Variants in MAP4K4 observed in about 807,000 individuals in gnomAD.
MAP4K4 encodes the protein mitogen-activated protein kinase kinase kinase kinase 4, also known as HPK/GCK-like kinase HGK.
Under a neutral mutation model 189.6 loss-of-function variants are expected in MAP4K4, and 38 were observed. The observed-to-expected ratio is 0.20, with a 90% confidence interval of 0.15 to 0.26. The LOEUF is 0.26. Among genes scored for constraint, MAP4K4 ranks in the 10% least tolerant of loss-of-function variants. The probability of loss-of-function intolerance (pLI) is 1.00; values close to 1 mark genes in which losing one functional copy is unlikely to be tolerated. For synonymous variants in MAP4K4, 610 were observed against 624.3 expected (o/e 0.98, Z 0.34); for missense variants, 1,054 against 1,726.9 (o/e 0.61, Z 6.91).
At chr2:101,814,362 A>G (rs2095600364) in intron 3 of MAP4K4, among the ~76,000 whole-genome samples, 1 of 152,202 alleles carries the variant, frequency 6.6e-6, no homozygotes, top group African/African-American at 2.4e-5. Flanking sequence ...TGTGGAAAGC[A>G]TCTTTGAATT....
chr2:101,812,647 T>A (rs1360424816), intron 3 of MAP4K4, among the ~76,000 whole-genome samples: 3 of 152,070 alleles, frequency 2.0e-5, no homozygotes, highest in African/African-American at 7.3e-5. Flanking sequence ...ACTTAGAGTA[T>A]CTTTCTGGTG....
chr2:101,756,812 C>T (rs2073112326), intron 2 of MAP4K4, among the ~76,000 whole-genome samples: 1 of 151,464 alleles, frequency 6.6e-6, no homozygotes, highest in Non-Finnish European at 1.5e-5. Context: ...AGTGATCTGC[C>T]TGGCTCAGCC....
chr2:101,782,363 A>C (rs529352914), intron 2 of MAP4K4, among the ~76,000 whole-genome samples: 1 of 152,316 alleles, frequency 6.6e-6, no homozygotes, highest in East Asian at 1.9e-4. Context: ...GTGTTGTTTC[A>C]GATAAGGTAG....
intron 12 of MAP4K4, among the ~76,000 whole-genome samples, chr2:101,847,005 CT>C (rs944522864): frequency 5.3e-5 from 8 of 152,214 alleles, no homozygotes; most frequent in Non-Finnish European, 7.3e-5. Flanking sequence ...TGCATATAAC[CT>C]GTGCACTCCC....
chr2:101,772,736 C>A (rs1465342467), intron 2 of MAP4K4, among the ~76,000 whole-genome samples: 1 of 152,146 alleles, frequency 6.6e-6, no homozygotes, highest in East Asian at 1.9e-4. Flanking sequence ...TAAAGAATTG[C>A]TTAGGTGTTA....
At chr2:101,757,433 A>C (rs951279408) in intron 2 of MAP4K4, among the ~76,000 whole-genome samples, 5 of 152,252 alleles carry the variant, frequency 3.3e-5, no homozygotes, top group Non-Finnish European at 7.3e-5. Context: ...AAACCAGTCA[A>C]ATCTGTAGCT....
chr2:101,785,716 CT>C, intron 2 of MAP4K4, among the ~76,000 whole-genome samples: 3 of 6,640 alleles, frequency 4.5e-4, no homozygotes, highest in Admixed American at 1.3e-3. Flanking sequence ...CTCTCTCTCT[CT>C]CTCTCTCTCT....
intron 2 of MAP4K4, among the ~76,000 whole-genome samples, chr2:101,724,208 TC>T (rs2053931201): frequency 1.3e-5 from 2 of 152,338 alleles, no homozygotes; most frequent in East Asian, 3.9e-4. Context: ...GTGTGCAATG[TC>T]CTGTGCACTT....
chr2:101,792,681 G>T (rs1170110002), intron 3 of MAP4K4, among the ~76,000 whole-genome samples: 1 of 150,088 alleles, frequency 6.7e-6, no homozygotes, highest in Non-Finnish European at 1.5e-5. Flanking sequence ...TGTCACCCAG[G>T]CTGGAGTGCT....
At chr2:101,746,901 T>C (rs1446870275) in intron 2 of MAP4K4, among the ~76,000 whole-genome samples, 1 of 152,086 alleles carries the variant, frequency 6.6e-6, no homozygotes, top group African/African-American at 2.4e-5. Context: ...ATATAGAATA[T>C]TGAGGAACCC....
At chr2:101,818,602 A>ATT (rs2095856049) in intron 3 of MAP4K4, among the ~76,000 whole-genome samples, 1 of 152,238 alleles carries the variant, frequency 6.6e-6, no homozygotes, top group Admixed American at 6.5e-5. Flanking sequence ...GGGTCATTAA[A>ATT]AAACAAACAA....
At position 101,790,572 on chromosome 2, in the gene MAP4K4, A is replaced by G. The variant is rs13420267; in HGVS notation, c.124-148A>G. On this transcript the variant is annotated intron_variant, in intron 2 of 32. Coordinates refer to ENST00000324219, the Ensembl canonical transcript of MAP4K4. ...ATTATAAACCATATTGTTGTATTGG[A>G]GAGCACAGGACTATTTCGTCATCAC... The G allele has an allele frequency of 0.012, 7,494 of 630,512 alleles. 418 individuals are homozygous for G. Among genetic ancestry groups the G allele is most frequent in the African/African-American group, 0.12 (6,537 of 55,126 alleles). The allele number at this position is 630,512 out of a possible 1,614,324, so 39.1% of individuals were successfully genotyped here.
intron 26 of MAP4K4, 87 bp downstream of exon 26, chr2:101,874,339 G>A (rs2098136333): frequency 1.6e-6 from 2 of 1,243,782 alleles, no homozygotes; most frequent in Non-Finnish European, 2.2e-6. Flanking sequence ...TGAATAGTTT[G>A]TGGATAGACA....
intron 2 of MAP4K4, among the ~76,000 whole-genome samples, chr2:101,724,734 C>A (rs2054258749): frequency 6.6e-6 from 1 of 152,184 alleles, no homozygotes; most frequent in African/African-American, 2.4e-5. Context: ...ACAAAACATT[C>A]TAGTACTACT....
chr2:101,722,255 G>A (rs559081574), intron 2 of MAP4K4, among the ~76,000 whole-genome samples: 3 of 152,282 alleles, frequency 2.0e-5, no homozygotes, highest in South Asian at 2.1e-4. Context: ...TGGGGTTTTC[G>A]TAACCTCATG....
intron 27 of MAP4K4, among the ~76,000 whole-genome samples, chr2:101,878,293 T>G (rs1381135126): frequency 6.6e-6 from 1 of 152,236 alleles, no homozygotes; most frequent in Non-Finnish European, 1.5e-5. Context: ...ACCCAAGTAC[T>G]AACTATAACT....
intron 7 of MAP4K4, among the ~76,000 whole-genome samples, chr2:101,832,423 A>C (rs1367711599): frequency 1.3e-5 from 2 of 152,216 alleles, no homozygotes; most frequent in Admixed American, 1.3e-4. Flanking sequence ...GATGAGCCAG[A>C]CTAGTTAATA....
chr2:101,891,299 A>G, exon 33 of MAP4K4: 1 of 1,512,462 alleles, frequency 6.6e-7, no homozygotes, highest in Non-Finnish European at 9.2e-7. Flanking sequence ...CAAGATCCTG[A>G]GAACTTGGAA....
intron 19 of MAP4K4, among the ~76,000 whole-genome samples, chr2:101,866,947 T>G (rs2097835359): frequency 6.6e-6 from 1 of 151,594 alleles, no homozygotes. Flanking sequence ...GAATATTCCC[T>G]CTACTGTATT....
Sources: allele counts gnomAD v4.1 joint callset (sites outside exome capture counted in the v4.1 genomes callset), GRCh38; gene constraint gnomAD v4.1.1; transcripts MANE v1.5; gene names NCBI Gene and HGNC (gene_info 2026-07-23, HGNC 2026-07-21).